TEAD4: variants seen among roughly 807,000 people sequenced by gnomAD.
TEAD4 encodes the protein TEA domain transcription factor 4.
TEAD4 carries 36 observed loss-of-function variants against 52.4 expected under a neutral mutation model. The observed-to-expected ratio is 0.69, with a 90% CI of 0.53 to 0.91. The LOEUF is 0.91. Ranked by LOEUF, TEAD4 falls within the 40% of genes least tolerant of loss-of-function variation. The pLI is 0.00. For missense variants in TEAD4, 508 were observed against 583.9 expected, an observed-to-expected ratio of 0.87 and a Z score of 1.34; for synonymous variants, 220 against 231.0, an observed-to-expected ratio of 0.95 and a Z score of 0.43.
At position 2,960,021 on chromosome 12, in the gene TEAD4, C is replaced by T. The variant is rs1480143911; in HGVS notation, c.-49C>T. On this transcript the variant is annotated 5_prime_UTR_variant, in exon 2 of 13. Coordinates refer to ENST00000359864, the MANE Select transcript of TEAD4 (RefSeq NM_003213.4). ...AACTGGCTTAGCGCACCCATCCCACCTTCCCGCACCCTGGGACCGGTAAGG... is the reference window on the plus strand; with the variant it reads ...AACTGGCTTAGCGCACCCATCCCACTTTCCCGCACCCTGGGACCGGTAAGG... 1 of 152,378 alleles carries T rather than the reference C, an allele frequency of 6.6e-6. No homozygotes were observed. Among genetic ancestry groups the T allele is most frequent in the Non-Finnish European group, 1.5e-5 (1 of 68,170 alleles). 9.4% of individuals were successfully genotyped at this position (152,378 alleles called of 1,614,324 possible).
intron 3 of TEAD4, among the ~76,000 whole-genome samples, chr12:3,001,248 C>T (rs933418): frequency 0.59 from 90,238 of 152,156 alleles, 31,685 homozygotes; most frequent in East Asian, 0.77. Context: ...ATATACATTA[C>T]GTAAAATTAA....
At chr12:3,035,988 C>T (rs1466662238) in intron 10 of TEAD4, among the ~76,000 whole-genome samples, 1 of 152,120 alleles carries the variant, frequency 6.6e-6, no homozygotes, top group Non-Finnish European at 1.5e-5. Context: ...TCCTGGGCAC[C>T]CTGCCTACAA....
chr12:3,001,633 C>T (rs770288999), intron 3 of TEAD4, among the ~76,000 whole-genome samples: 61 of 151,282 alleles, frequency 4.0e-4, no homozygotes, highest in Non-Finnish European at 6.0e-4. Context: ...CAAAATTAGC[C>T]GGGTGTGGTG....
intron 2 of TEAD4, among the ~76,000 whole-genome samples, chr12:2,976,790 G>A (rs1181263612): frequency 6.6e-6 from 1 of 152,142 alleles, no homozygotes; most frequent in African/African-American, 2.4e-5. Flanking sequence ...ATTGCCGCCC[G>A]GGCCTGGGGG....
In TEAD4 at chr12:3,040,517, G is replaced by C. The variant is rs1446323016; in HGVS notation, c.*39G>C. 1 of 1,587,746 alleles carries C rather than the reference G, an allele frequency of 6.3e-7. No individual in the cohort carries two copies. Among genetic ancestry groups the C allele is most frequent in the East Asian group, 2.2e-5 (1 of 44,686 alleles). On this transcript the variant is annotated 3_prime_UTR_variant, in exon 13 of 13. Transcript: ENST00000359864. ...CAGGGAGGGGGGAAGAGACGTGTGT[G>C]CAGGAAACGGGGACGTGGGGAGGGG... is the stretch of plus-strand genomic sequence containing the variant.
chr12:2,961,831 T>G (rs2098215552), intron 2 of TEAD4, among the ~76,000 whole-genome samples: 1 of 152,158 alleles, frequency 6.6e-6, no homozygotes, highest in Non-Finnish European at 1.5e-5. Flanking sequence ...GAGCACCATT[T>G]GAGAAACCTT....
At chr12:3,003,139 G>A (rs1454587971) in intron 3 of TEAD4, among the ~76,000 whole-genome samples, 1 of 152,118 alleles carries the variant, frequency 6.6e-6, no homozygotes, top group Non-Finnish European at 1.5e-5. Context: ...GGGGTGCAGT[G>A]TGGCACTTGC....
intron 2 of TEAD4, among the ~76,000 whole-genome samples, chr12:2,978,534 G>C (rs2098231655): frequency 6.6e-6 from 1 of 151,784 alleles, no homozygotes; most frequent in South Asian, 2.1e-4. Flanking sequence ...CTCCTAAGTA[G>C]CTGGGACTAT....
At chr12:3,014,413 G>A (rs1340603003) in intron 5 of TEAD4, among the ~76,000 whole-genome samples, 1 of 152,228 alleles carries the variant, frequency 6.6e-6, no homozygotes, top group East Asian at 1.9e-4. Flanking sequence ...ACCAAGGGGA[G>A]CCATAAACTC....
In TEAD4 at chr12:3,020,186, C is replaced by T. The variant is rs111337869; in HGVS notation, c.584-448C>T. On this transcript the variant is annotated intron_variant, in intron 8 of 12. Coordinates refer to ENST00000359864, the MANE Select transcript of TEAD4 (RefSeq NM_003213.4). Reference sequence around the variant, plus strand: ...TCTGGGCCAGGCCCTGTTCTGGGAGCGGGGGAGACACATGTGATGCAAACA... The same window carrying T: ...TCTGGGCCAGGCCCTGTTCTGGGAGTGGGGGAGACACATGTGATGCAAACA... Among the ~76,000 whole-genome samples the T allele has an allele frequency of 3.4e-3, 514 of 152,304 alleles. 1 individual carries two copies. Among genetic ancestry groups the T allele is most frequent in the Non-Finnish European group, 5.2e-3 (352 of 68,034 alleles).
intron 11 of TEAD4, among the ~76,000 whole-genome samples, chr12:3,038,730 C>T (rs2098280894): frequency 6.6e-6 from 1 of 152,160 alleles, no homozygotes; most frequent in Admixed American, 6.5e-5. Flanking sequence ...ACCCAGGCAC[C>T]CTGCTTTCCG....
intron 2 of TEAD4, among the ~76,000 whole-genome samples, chr12:2,968,693 G>A (rs543232643): frequency 1.2e-4 from 18 of 151,990 alleles, no homozygotes; most frequent in Admixed American, 2.6e-4. Context: ...CTGTTGCCCA[G>A]GCTGGAGTGC....
chr12:3,019,077 G>A (rs200892446), intron 7 of TEAD4, 38 bp from the exon 8 acceptor site: 336 of 1,612,828 alleles, frequency 2.1e-4, no homozygotes, highest in Non-Finnish European at 2.6e-4. Flanking sequence ...GCGGTGGCCT[G>A]CCCGAGGCTG....
intron 10 of TEAD4, among the ~76,000 whole-genome samples, chr12:3,027,090 C>A (rs550135124): frequency 1.6e-4 from 25 of 152,178 alleles, no homozygotes; most frequent in South Asian, 8.3e-4. Context: ...CCTCCCTATT[C>A]AAGCAATTCT....
intron 2 of TEAD4, among the ~76,000 whole-genome samples, chr12:2,983,376 C>T (rs994003515): frequency 6.6e-6 from 1 of 152,142 alleles, no homozygotes; most frequent in Admixed American, 6.5e-5. Flanking sequence ...CTGAGCAGAG[C>T]CACACATGAA....
chr12:2,993,814 T>C (rs1485075061), intron 2 of TEAD4, among the ~76,000 whole-genome samples: 1 of 152,162 alleles, frequency 6.6e-6, no homozygotes, highest in African/African-American at 2.4e-5. Flanking sequence ...AGCGGAATCA[T>C]GCAGTGTTTG....
intron 3 of TEAD4, among the ~76,000 whole-genome samples, chr12:3,009,843 C>T (rs930819379): frequency 3.9e-5 from 6 of 152,238 alleles, no homozygotes; most frequent in Admixed American, 2.6e-4. Flanking sequence ...GACAGTACCT[C>T]TGGAGAGTAG....
intron 2 of TEAD4, among the ~76,000 whole-genome samples, chr12:2,961,633 C>T (rs2098215393): frequency 6.6e-6 from 1 of 152,022 alleles, no homozygotes; most frequent in African/African-American, 2.4e-5. Flanking sequence ...GTAATACGAG[C>T]GGAGCTTTTC....
rs1334085813 is a variant in TEAD4 at position 3,012,215 on chromosome 12, A to T, written c.337A>T (p.Ile113Phe). ...GCTGGCTCGTCGCAAAGCTCGCGAG[A>T]TCCAGGCCAAGCTAAAGGTAAGGAA... The change falls in exon 5 of 13, where the codon ATC (isoleucine) becomes TTC (phenylalanine). Residue 113 changes from isoleucine (I) to phenylalanine (F), a missense_variant. Transcript: ENST00000359864. The T allele has an allele frequency of 6.2e-7, 1 of 1,613,948 alleles. No homozygotes were observed. Among genetic ancestry groups the T allele is most frequent in the Admixed American group, 1.7e-5 (1 of 60,000 alleles).
Sources: allele counts gnomAD v4.1 joint callset (sites outside exome capture counted in the v4.1 genomes callset), GRCh38; gene constraint gnomAD v4.1.1; transcripts MANE v1.5; gene names NCBI Gene and HGNC (gene_info 2026-07-23, HGNC 2026-07-21).